DENND3: variants seen among roughly 807,000 people sequenced by gnomAD.
DENND3 encodes the protein DENN domain-containing protein 3.
A neutral mutation model predicts 135.1 loss-of-function variants in DENND3; 88 were observed. That is an observed-to-expected ratio of 0.65 (90% CI 0.55 to 0.78). DENND3 has a LOEUF of 0.78. DENND3 is among the 30% of genes least tolerant of loss of function. The pLI is 0.00. For synonymous variants in DENND3, 693 were observed against 712.3 expected, an observed-to-expected ratio of 0.97 and a Z score of 0.43; for missense variants, 1,392 against 1,688.4, an observed-to-expected ratio of 0.82 and a Z score of 3.08.
rs559004993 is a variant in DENND3, at chr8:141,139,218, G to A, written c.501+1081G>A. ...GCTGGCCTGGATTCCCTCGGAGCCC[G>A]GGACACGTGTTTTTGTTGGTAGAAG... is the stretch of plus-strand genomic sequence containing the variant. On this transcript the variant is annotated intron_variant, in intron 3 of 22. Coordinates refer to ENST00000519811, the MANE Select transcript of DENND3 (RefSeq NM_001352890.3). The surrounding 1 kb of genome is among the most constrained non-coding windows in gnomAD (Gnocchi z 4.2). 1.8e-4 allele frequency among the ~76,000 whole-genome samples: 27 copies of A among 152,262 alleles called. No individual in the cohort carries two copies. In the South Asian group the frequency reaches 4.1e-3, roughly 23 times the overall value.
Position 141,194,220 on chromosome 8 carries a change from G to A in DENND3, c.3824G>A (p.Trp1275Ter), listed in dbSNP as rs781433506. Residue 1275 changes from tryptophan (W) to a stop codon, truncating the protein, a stop_gained, in exon 23 of 23, where the codon TGG becomes TAG. Transcript: ENST00000519811. LOFTEE classifies it high-confidence loss of function. ...SGREEGKVAI[W>*]KGE ...AGGGAGGAGGGGAAAGTCGCCATTT[G>A]GAAAGGCGAATAAACGTGGCTGAGT... 1 of 1,612,778 alleles carries A rather than the reference G, an allele frequency of 6.2e-7. No individual in the cohort carries two copies. The highest frequency in any genetic ancestry group is 1.1e-5 in the South Asian group (1 of 90,646).
chr8:141,175,141 T>C lies in DENND3; in HGVS notation c.2276-59T>C. 2 of 1,552,702 alleles carry C rather than the reference T, an allele frequency of 1.3e-6. No homozygotes were observed. The highest frequency in any genetic ancestry group is 1.7e-6 in the Non-Finnish European group (2 of 1,151,760). ...GTTTCTTCAGGTCATGGAGAAGCCCTTGGGGCTCCCGAGGTATGTGGCTGT... is the reference window on the plus strand; with the variant it reads ...GTTTCTTCAGGTCATGGAGAAGCCCCTGGGGCTCCCGAGGTATGTGGCTGT... On this transcript the variant is annotated intron_variant, in intron 13 of 22. Coordinates refer to ENST00000519811, the MANE Select transcript of DENND3 (RefSeq NM_001352890.3). The surrounding 1 kb of genome is among the most constrained non-coding windows in gnomAD (Gnocchi z 5.4).
chr8:141,174,174 G>T lies in DENND3; in HGVS notation c.2276-1026G>T, dbSNP rs1400522109. 6.6e-6 allele frequency among the ~76,000 whole-genome samples: 1 copy of T among 152,194 alleles called. No individual in the cohort carries two copies. Among genetic ancestry groups the T allele is most frequent in the Non-Finnish European group, 1.5e-5 (1 of 68,028 alleles). On this transcript the variant is annotated intron_variant, in intron 13 of 22. Coordinates refer to ENST00000519811, the MANE Select transcript of DENND3 (RefSeq NM_001352890.3). This position sits in a 1 kb window ranked among gnomAD's most constrained non-coding sequence, Gnocchi z 4.6. ...ATGCTTGGTACGGCTGGGCTGTGGG[G>T]TGGGTAGGTGGGGCCCAATCTTGGA...
chr8:141,138,128 G>T lies in DENND3; in HGVS notation c.492G>T (p.Arg164=). 6.2e-7 allele frequency: 1 copy of T among 1,603,812 alleles called. No homozygotes were observed. The change falls in exon 3 of 23, where the codon CGG becomes CGT. Residue 164 remains arginine (R), a synonymous_variant. Transcript: ENST00000519811. The surrounding 1 kb of genome is among the most constrained non-coding windows in gnomAD (Gnocchi z 4.8). ...ATGGCGTGGTGGCCCAGTACTACCG[G>T]CCCCTGCATGTAGGTGGTTCCCGTT... ...RTYGVVAQYY[R]PLHDEYCFYN...
chr8:141,183,745 T>G (rs1017109052), intron 17 of DENND3, among the ~76,000 whole-genome samples: 9 of 142,548 alleles, frequency 6.3e-5, no homozygotes, highest in African/African-American at 2.4e-4. Context: ...TGTTTTTTTT[T>G]TTTTTTAATT....
chr8:141,192,176 A>G, intron 20 of DENND3, 155 bp from the exon 21 acceptor site: 1 of 978,332 alleles, frequency 1.0e-6, no homozygotes, highest in Non-Finnish European at 1.5e-6. Flanking sequence ...ATTTTTTCCC[A>G]GTAGACCTCA....
Position 141,168,348 on chromosome 8 carries a change from C to T in DENND3, c.2098C>T (p.Leu700Phe), listed in dbSNP as rs768699529. ...TGAGCAGGCGCCGGAGCTGATGAGG[C>T]TCATCAGCGAGATCCTGGACAAGCC... Reference protein sequence around the residue: ...GAEQAPELMRLISEILDKPHE... With the variant: ...GAEQAPELMRFISEILDKPHE... Residue 700 changes from leucine (L) to phenylalanine (F), a missense_variant, in exon 13 of 23, where the codon CTC (leucine) becomes TTC (phenylalanine). Transcript: ENST00000519811. The surrounding 1 kb of genome is among the most constrained non-coding windows in gnomAD (Gnocchi z 6.2). The T allele has an allele frequency of 4.5e-5, 72 of 1,613,780 alleles. No individual in the cohort carries two copies. The highest frequency in any genetic ancestry group is 6.1e-5 in the Non-Finnish European group (72 of 1,180,028).
At chr8:141,171,730 T>G (rs946014271) in intron 13 of DENND3, among the ~76,000 whole-genome samples, 2 of 151,932 alleles carry the variant, frequency 1.3e-5, no homozygotes, top group Non-Finnish European at 2.9e-5. Flanking sequence ...GCACAGTGGC[T>G]GTGGGTGTGC....
At chr8:141,183,582 CTTTT>C (rs373496192) in intron 17 of DENND3, among the ~76,000 whole-genome samples, 2 of 151,288 alleles carry the variant, frequency 1.3e-5, no homozygotes, top group African/African-American at 2.4e-5. Flanking sequence ...AAAGAAGACA[CTTTT>C]TTTTTCCTCC....
At chr8:141,193,267 C>T (rs1825018902) in intron 22 of DENND3, 1 of 156,454 alleles carries the variant, frequency 6.4e-6, no homozygotes, top group Non-Finnish European at 1.4e-5. Context: ...TACAGTCTGC[C>T]CTCTGGCCCC....
At chr8:141,180,478 C>T (rs369745663) in intron 16 of DENND3, among the ~76,000 whole-genome samples, 33 of 152,172 alleles carry the variant, frequency 2.2e-4, no homozygotes, top group African/African-American at 6.0e-4. Context: ...AAAGGCAGCT[C>T]GAGGCATAGG....
Position 141,165,227 on chromosome 8 carries a change from G to A in DENND3, c.1491G>A (p.Arg497=), listed in dbSNP as rs746148649. 2.5e-6 allele frequency: 4 copies of A among 1,614,044 alleles called. No individual in the cohort carries two copies. The highest frequency in any genetic ancestry group is 3.4e-6 in the Non-Finnish European group (4 of 1,180,020). ...TYMFHSFLKA[R]LNRRMDAFAQ... is the part of the protein sequence containing the mutation. Reference sequence around the variant, plus strand: ...TGTTCCATTCTTTTCTTAAAGCCCGGCTCAATAGGAGGATGGACGCCTTTG... The same window carrying A: ...TGTTCCATTCTTTTCTTAAAGCCCGACTCAATAGGAGGATGGACGCCTTTG... Residue 497 remains arginine, a synonymous_variant, in exon 11 of 23, where the codon CGG becomes CGA. Transcript: ENST00000519811.
chr8:141,147,131 C>CAGT (rs1353025368), intron 5 of DENND3, among the ~76,000 whole-genome samples: 1 of 152,186 alleles, frequency 6.6e-6, no homozygotes, highest in Non-Finnish European at 1.5e-5. Flanking sequence ...CCATTCCGTC[C>CAGT]ATCACTCAGC....
At chr8:141,176,070 G>A (rs1246515460) in intron 14 of DENND3, 10 of 178,380 alleles carry the variant, frequency 5.6e-5, no homozygotes, top group Non-Finnish European at 1.1e-4. Context: ...AATGTTTTAT[G>A]TGATCACCTG....
rs1825148485 is a variant in DENND3 at position 141,194,485 on chromosome 8, T to C, written c.*252T>C. On this transcript the variant is annotated 3_prime_UTR_variant, in exon 23 of 23. Coordinates refer to ENST00000519811, the MANE Select transcript of DENND3 (RefSeq NM_001352890.3). ...GTGTCTCAGGCAGGCAGCTGCGTCT[T>C]GTTGGTGATAACCTCTGCTGGGAGG... 2 of 527,356 alleles carry C rather than the reference T, an allele frequency of 3.8e-6. No homozygotes were observed. The highest frequency in any genetic ancestry group is 3.4e-6 in the Non-Finnish European group (1 of 292,358). The allele number at this position is 527,356 out of a possible 1,614,324, so 32.7% of individuals were successfully genotyped here. A position where few individuals can be genotyped will look rare whatever the true frequency, so the allele number is the denominator to read the frequency against.
intron 1 of DENND3, among the ~76,000 whole-genome samples, chr8:141,131,292 A>G (rs999960826): frequency 9.9e-5 from 15 of 152,192 alleles, no homozygotes; most frequent in African/African-American, 3.6e-4. Context: ...GAGACTAGAC[A>G]TAGGTGTGAC....
rs751024080 is a variant in DENND3, at chr8:141,166,345, C to T, written c.1709C>T (p.Ser570Leu). 2.3e-5 allele frequency: 37 copies of T among 1,613,330 alleles called. No homozygotes were observed. The highest frequency in any genetic ancestry group is 5.3e-5 in the African/African-American group (4 of 74,908). The stretch of plus-strand genomic sequence containing the variant: ...CCTGAGCTGGCACCCAGGAACTCCT[C>T]GCTCCGGCTGACGGACACCGCAGGC... ...AMPELAPRNS[S>L]LRLTDTAGCR... The change falls in exon 12 of 23, where the codon TCG becomes TTG. Residue 570 changes from serine to leucine, a missense_variant. By Grantham distance (145) the Ser-to-Leu change is moderately radical (BLOSUM62 -2). Coordinates refer to ENST00000519811, the MANE Select transcript of DENND3 (RefSeq NM_001352890.3). The surrounding 1 kb of genome is among the most constrained non-coding windows in gnomAD (Gnocchi z 4.3).
chr8:141,192,698 G>A (rs752013990), intron 22 of DENND3, 35 bp downstream of exon 22: 15 of 1,606,078 alleles, frequency 9.3e-6, no homozygotes, highest in Admixed American at 5.0e-5. Flanking sequence ...CAGCATCCCC[G>A]GCAGGTCTCG....
Position 141,165,246 on chromosome 8 carries a change from G to A in DENND3, c.1510G>A (p.Ala504Thr), listed in dbSNP as rs182448884. ...LKARLNRRMD[A>T]FAQMDLDTQS... ...AGCCCGGCTCAATAGGAGGATGGAC[G>A]CCTTTGCTCAGATGGACCTCGACAC... The change falls in exon 11 of 23, where the codon GCC becomes ACC. Residue 504 changes from alanine to threonine, a missense_variant. By Grantham distance (58) the Ala-to-Thr change is moderately conservative (BLOSUM62 0). Transcript: ENST00000519811. The A allele has an allele frequency of 1.8e-5, 29 of 1,614,162 alleles. No individual in the cohort carries two copies. The highest frequency in any genetic ancestry group is 9.3e-5 in the African/African-American group (7 of 75,042).
Sources: gnomAD v4.1 joint callset for allele counts (sites outside exome capture counted in the v4.1 genomes callset) on GRCh38, gnomAD v4.1.1 for gene constraint, Gnocchi (gnomAD v3.1) non-coding constraint, MANE v1.5 for transcripts, NCBI Gene and HGNC (gene_info 2026-07-23, HGNC 2026-07-21) for gene names.